Variants in HDLBP observed in about 807,000 individuals in gnomAD.
HDLBP encodes high density lipoprotein binding protein, also known as vigilin.
HDLBP carries 30 observed loss-of-function variants against 137.3 expected under a neutral mutation model. The ratio of observed to expected loss-of-function variants is 0.22; its 90% CI spans 0.16 to 0.30. The LOEUF is 0.30. Among genes scored for constraint, HDLBP ranks in the 10% least tolerant of loss-of-function variants. HDLBP has a pLI of 1.00. For missense variants in HDLBP, 1,119 were observed against 1,667.3 expected, an observed-to-expected ratio of 0.67 and a Z score of 5.73; for synonymous variants, 606 against 596.0, an observed-to-expected ratio of 1.02 and a Z score of -0.24.
intron 21 of HDLBP, 53 bp from the exon 22 acceptor site, chr2:241,235,647 T>A (rs1170285345): frequency 7.6e-7 from 1 of 1,311,638 alleles, no homozygotes; most frequent in Non-Finnish European, 1.1e-6. Flanking sequence ...CAGAGTGACG[T>A]TGTAAGCTCA....
chr2:241,278,700 A>T (rs957853351), intron 1 of HDLBP, among the ~76,000 whole-genome samples: 1 of 152,226 alleles, frequency 6.6e-6, no homozygotes, highest in African/African-American at 2.4e-5. Context: ...TTGAAAATGA[A>T]CCAAAACTGC....
At chr2:241,295,894 G>C (rs1370915399) in intron 1 of HDLBP, among the ~76,000 whole-genome samples, 1 of 152,188 alleles carries the variant, frequency 6.6e-6, no homozygotes, top group African/African-American at 2.4e-5. Flanking sequence ...CTATCCCCCA[G>C]AGGGAGTGTG....
intron 1 of HDLBP, among the ~76,000 whole-genome samples, chr2:241,299,505 CAAAAAAAAAAAAAAAA>C (rs11423330): frequency 0.048 from 2,371 of 49,794 alleles, 84 homozygotes; most frequent in African/African-American, 0.13. Context: ...GGCTCCGTCT[CAAAAAAAAAAAAAAAA>C]AAAAAAAAAG....
chr2:241,272,432 A>T lies in HDLBP; in HGVS notation c.-102-3891T>A. On this transcript the variant is annotated intron_variant, in intron 1 of 27. Transcript: ENST00000310931. The surrounding 1 kb of genome is among the most constrained non-coding windows in gnomAD (Gnocchi z 5.6). ...AGGGGTGCCCCACCGAAGCCCCGGG[A>T]GGAGGCGGGGGAGCCCAGCTTGCAG... is the stretch of plus-strand genomic sequence containing the variant. The T allele has an allele frequency of 1.0e-6, 1 of 984,366 alleles. No homozygotes were observed. The highest frequency in any genetic ancestry group is 4.7e-5 in the South Asian group (1 of 21,268). 61.0% of individuals were successfully genotyped at this position (984,366 alleles called of 1,614,324 possible).
intron 1 of HDLBP, among the ~76,000 whole-genome samples, chr2:241,290,309 G>A (rs1236258544): frequency 6.6e-6 from 1 of 152,146 alleles, no homozygotes; most frequent in African/African-American, 2.4e-5. Context: ...CTCTGTTTTA[G>A]AACCATAAAC....
chr2:241,239,915 A>G lies in HDLBP; in HGVS notation c.2377T>C (p.Leu793=), dbSNP rs140276168. The change falls in exon 18 of 28, where the codon TTG becomes CTG. Residue 793 remains leucine (L), a synonymous_variant. Coordinates refer to ENST00000310931, the MANE Select transcript of HDLBP (RefSeq NM_005336.6). This position sits in a 1 kb window ranked among gnomAD's most constrained non-coding sequence, Gnocchi z 4.6. ...VREAQKELEA[L]IQNLDNVVED... Reference sequence around the variant, plus strand: ...CCGCTCCCTACCAGGTTTTGGATCAAGGCCTCCAGCTCCTTCTGTGCCTCT... The same window carrying G: ...CCGCTCCCTACCAGGTTTTGGATCAGGGCCTCCAGCTCCTTCTGTGCCTCT... 4.1e-4 allele frequency: 655 copies of G among 1,614,120 alleles called. 1 individual carries two copies. The African/African-American group carries it at 8.0e-3, about 20-fold the overall frequency.
At chr2:241,310,024 TGCATA>T (rs2075714287) in intron 1 of HDLBP, among the ~76,000 whole-genome samples, 1 of 151,936 alleles carries the variant, frequency 6.6e-6, no homozygotes, top group Non-Finnish European at 1.5e-5. Flanking sequence ...AGAACATCAC[TGCATA>T]GCCCAGAAAA....
intron 1 of HDLBP, among the ~76,000 whole-genome samples, chr2:241,297,632 C>T (rs150393644): frequency 0.015 from 2,339 of 152,236 alleles, 27 homozygotes; most frequent in Non-Finnish European, 0.024. Flanking sequence ...TGAGAGCCAA[C>T]TGCCATAAAA....
chr2:241,293,936 A>AC (rs397936775), intron 1 of HDLBP, among the ~76,000 whole-genome samples: 2 of 151,812 alleles, frequency 1.3e-5, no homozygotes, highest in Non-Finnish European at 2.9e-5. Flanking sequence ...AAAAAAAAAA[A>AC]CAAAAACAGA....
intron 1 of HDLBP, among the ~76,000 whole-genome samples, chr2:241,278,396 A>G (rs2074476102): frequency 6.6e-6 from 1 of 152,178 alleles, no homozygotes; most frequent in African/African-American, 2.4e-5. Flanking sequence ...CAGCCTGGCC[A>G]ATATGGCGAA....
At chr2:241,267,497 C>A in intron 2 of HDLBP, 1 of 1,376,926 alleles carries the variant, frequency 7.3e-7, no homozygotes, top group Non-Finnish European at 1.0e-6. Flanking sequence ...CTGCCTGACC[C>A]AGGCTCCAGG....
At chr2:241,250,326 G>A (rs2072029162) in intron 11 of HDLBP, 2 of 184,124 alleles carry the variant, frequency 1.1e-5, no homozygotes, top group Non-Finnish European at 2.2e-5. Context: ...GATTCCAGGT[G>A]TTTCTAATGT....
intron 5 of HDLBP, 65 bp from the exon 6 acceptor site, chr2:241,256,871 C>G (rs375969371): frequency 1.4e-6 from 2 of 1,404,522 alleles, no homozygotes; most frequent in Non-Finnish European, 2.0e-6. Context: ...CATATTTTTC[C>G]AAGACATTCT....
chr2:241,272,875 C>A lies in HDLBP; in HGVS notation c.-102-4334G>T. The A allele has an allele frequency of 2.5e-6, 1 of 394,654 alleles. No individual in the cohort carries two copies. Among genetic ancestry groups the A allele is most frequent in the Non-Finnish European group, 3.4e-6 (1 of 290,186 alleles). 24.4% of individuals were successfully genotyped at this position (394,654 alleles called of 1,614,324 possible). On this transcript the variant is annotated intron_variant, in intron 1 of 27. Transcript: ENST00000310931. This position sits in a 1 kb window ranked among gnomAD's most constrained non-coding sequence, Gnocchi z 5.6. ...CCCGGCTGCTATATAGGGCGGCGGCCCAATCCCGCCTGGACACGTCAGCGC... is the reference window on the plus strand; with the variant it reads ...CCCGGCTGCTATATAGGGCGGCGGCACAATCCCGCCTGGACACGTCAGCGC...
chr2:241,229,802 G>A, intron 27 of HDLBP, 31 bp downstream of exon 27: 2 of 1,165,748 alleles, frequency 1.7e-6, no homozygotes, highest in Non-Finnish European at 2.4e-6. Flanking sequence ...ACCCTCCCTG[G>A]GACCCAGGAG....
chr2:241,256,174 A>G lies in HDLBP; in HGVS notation c.873+10T>C. ...TGCCCATGGGGATTTGCCTCCTCTAAATCGTGTACCTTCTCCTCATAAATC... is the reference window on the plus strand; with the variant it reads ...TGCCCATGGGGATTTGCCTCCTCTAGATCGTGTACCTTCTCCTCATAAATC... On this transcript the variant is annotated intron_variant, in intron 7 of 27. Coordinates refer to ENST00000310931, the MANE Select transcript of HDLBP (RefSeq NM_005336.6). The G allele has an allele frequency of 6.2e-7, 1 of 1,612,400 alleles. No homozygotes were observed. Among genetic ancestry groups the G allele is most frequent in the East Asian group, 2.2e-5 (1 of 44,868 alleles).
intron 12 of HDLBP, chr2:241,249,308 T>C (rs1213111563): frequency 4.2e-6 from 2 of 470,912 alleles, no homozygotes; most frequent in East Asian, 1.4e-4. Context: ...TTGACTTCTC[T>C]GGATACTTAA....
Position 241,272,075 on chromosome 2 carries a change from T to G in HDLBP, c.-102-3534A>C. The G allele has an allele frequency of 1.9e-6, 1 of 538,868 alleles. No homozygotes were observed. The highest frequency in any genetic ancestry group is 2.4e-6 in the Non-Finnish European group (1 of 421,590). The allele number at this position is 538,868 out of a possible 1,614,324, so 33.4% of individuals were successfully genotyped here. ...CGCCTTTCATCCAAATTCGGTACTT[T>G]TCCGTAATGTATTTTTCATCCACGA... On this transcript the variant is annotated intron_variant, in intron 1 of 27. Transcript: ENST00000310931. This position sits in a 1 kb window ranked among gnomAD's most constrained non-coding sequence, Gnocchi z 5.6.
chr2:241,270,987 A>G, intron 1 of HDLBP: 1 of 985,154 alleles, frequency 1.0e-6, no homozygotes, highest in Non-Finnish European at 1.2e-6. Flanking sequence ...CAGGGACAGG[A>G]AATTCATGGC....
Sources: allele counts gnomAD v4.1 joint callset (sites outside exome capture counted in the v4.1 genomes callset), GRCh38; gene constraint gnomAD v4.1.1; non-coding constraint Gnocchi (gnomAD v3.1); transcripts MANE v1.5; gene names NCBI Gene and HGNC (gene_info 2026-07-23, HGNC 2026-07-21).